LRRC8C: variants seen among roughly 807,000 people sequenced by gnomAD.
The protein encoded by LRRC8C is leucine rich repeat containing 8 VRAC subunit C, also known as volume-regulated anion channel subunit LRRC8C.
Under a neutral mutation model 55.3 loss-of-function variants are expected in LRRC8C, and 20 were observed. The observed-to-expected ratio is 0.36, with a 90% CI of 0.25 to 0.53. The LOEUF (loss-of-function observed/expected upper bound fraction) is 0.53. Ranked by LOEUF, LRRC8C falls within the 20% of genes least tolerant of loss-of-function variation. The pLI is 0.92. For missense variants in LRRC8C, 659 were observed against 951.4 expected, an observed-to-expected ratio of 0.69 and a Z score of 4.04; for synonymous variants, 376 against 360.7, an observed-to-expected ratio of 1.04 and a Z score of -0.48.
In LRRC8C at chr1:89,712,681, A is replaced by G. The variant is rs572291062; in HGVS notation, c.139-28A>G. Reference sequence around the variant, plus strand: ...TTATGAAAGCTCTTTGAGTAATATAATTTGAAAATATTATTTCCATGTTTC... The same window carrying G: ...TTATGAAAGCTCTTTGAGTAATATAGTTTGAAAATATTATTTCCATGTTTC... On this transcript the variant is annotated intron_variant, in intron 2 of 2. Transcript: ENST00000370454. The G allele has an allele frequency of 2.5e-5, 38 of 1,532,166 alleles. No homozygotes were observed. The South Asian group carries it at 4.1e-4, about 16-fold the overall frequency. The allele number at this position is 1,532,166 out of a possible 1,614,324, so 94.9% of individuals were successfully genotyped here.
At chr1:89,660,945 C>T (rs1463366412) in intron 1 of LRRC8C, among the ~76,000 whole-genome samples, 1 of 152,236 alleles carries the variant, frequency 6.6e-6, no homozygotes, top group Admixed American at 6.5e-5. Context: ...GTATTTGGCA[C>T]TGAAGTCTAT....
chr1:89,680,784 C>G (rs1284231482), intron 1 of LRRC8C, among the ~76,000 whole-genome samples: 1 of 151,116 alleles, frequency 6.6e-6, no homozygotes, highest in Non-Finnish European at 1.5e-5. Flanking sequence ...TGGTCTTAAA[C>G]CTCTGATCTC....
intron 1 of LRRC8C, among the ~76,000 whole-genome samples, chr1:89,665,269 T>C (rs1272839896): frequency 6.6e-6 from 1 of 152,240 alleles, no homozygotes; most frequent in Non-Finnish European, 1.5e-5. Context: ...TGTGGGTTTG[T>C]CATAAATAGC....
chr1:89,648,390 C>T (rs184165796), intron 1 of LRRC8C, among the ~76,000 whole-genome samples: 2 of 152,236 alleles, frequency 1.3e-5, no homozygotes, highest in African/African-American at 4.8e-5. Flanking sequence ...AGAACAGACA[C>T]TAGTTATAAT....
rs768159927 is a variant in LRRC8C, at chr1:89,714,699, A to G, written c.2129A>G (p.Tyr710Cys). 7.4e-6 allele frequency: 12 copies of G among 1,614,066 alleles called. No individual in the cohort carries two copies. Among genetic ancestry groups the G allele is most frequent in the Middle Eastern group, 1.6e-4 (1 of 6,084 alleles). Residue 710 changes from tyrosine (Y) to cysteine (C), a missense_variant, in exon 3 of 3, where the codon TAT (tyrosine) becomes TGT (cysteine). Coordinates refer to ENST00000370454, the MANE Select transcript of LRRC8C (RefSeq NM_032270.5). The surrounding 1 kb of genome is among the most constrained non-coding windows in gnomAD (Gnocchi z 4.6). ...PEIGVLQSLQ[Y>C]FSITCNKVES... is the part of the protein sequence containing the mutation. ...ATTGGAGTTCTACAAAGTTTACAGT[A>G]TTTTTCCATCACATGTAACAAAGTG...
intron 1 of LRRC8C, among the ~76,000 whole-genome samples, chr1:89,641,695 T>C (rs1656460951): frequency 6.6e-6 from 1 of 152,204 alleles, no homozygotes; most frequent in Non-Finnish European, 1.5e-5. Context: ...TTTCTTTATT[T>C]ACACTTTGCA....
intron 1 of LRRC8C, among the ~76,000 whole-genome samples, chr1:89,665,686 T>A (rs2101224309): frequency 6.6e-6 from 1 of 152,300 alleles, no homozygotes; most frequent in African/African-American, 2.4e-5. Context: ...CAGCTTATTG[T>A]TGAAGAAAGA....
chr1:89,623,670 C>G, the LRRC8C span, among the ~76,000 whole-genome samples: 3 of 151,898 alleles, frequency 2.0e-5, no homozygotes, highest in African/African-American at 4.8e-5. Context: ...TACAGTGAGC[C>G]GAGATCGTGC....
At chr1:89,627,129 A>C in the LRRC8C span, among the ~76,000 whole-genome samples, 1 of 152,066 alleles carries the variant, frequency 6.6e-6, no homozygotes, top group South Asian at 2.1e-4. Flanking sequence ...AATAAAAGAC[A>C]CTTTTTTCAC....
the LRRC8C span, among the ~76,000 whole-genome samples, chr1:89,617,731 C>T: frequency 6.6e-6 from 1 of 152,170 alleles, no homozygotes; most frequent in Non-Finnish European, 1.5e-5. Context: ...GTCCCAAGGC[C>T]ACTCACACTT....
chr1:89,693,796 A>G (rs938651649), intron 2 of LRRC8C, among the ~76,000 whole-genome samples: 13 of 151,532 alleles, frequency 8.6e-5, no homozygotes, highest in Non-Finnish European at 1.8e-4. Flanking sequence ...AGCTGGGTTT[A>G]CAAGCATGCA....
Position 89,699,088 on chromosome 1 carries a change from G to C in LRRC8C, c.138+12477G>C, listed in dbSNP as rs576201527. Among the ~76,000 whole-genome samples the C allele has an allele frequency of 1.5e-3, 222 of 152,268 alleles. 1 individual carries two copies. Among genetic ancestry groups the C allele is most frequent in the African/African-American group, 4.9e-3 (202 of 41,562 alleles). ...AACGGTCAAGCTATGAAAAGACATG[G>C]AGGAACATTAAATGTACATTGCTAA... On this transcript the variant is annotated intron_variant, in intron 2 of 2. Coordinates refer to ENST00000370454, the MANE Select transcript of LRRC8C (RefSeq NM_032270.5).
intron 1 of LRRC8C, among the ~76,000 whole-genome samples, chr1:89,641,809 A>C (rs573206110): frequency 2.0e-5 from 3 of 152,260 alleles, no homozygotes; most frequent in East Asian, 3.9e-4. Context: ...AAACTAACAT[A>C]GTTTCAGTGT....
In LRRC8C at chr1:89,717,112, T is replaced by A. The variant is rs900842161; in HGVS notation, c.*2130T>A. 1 of 152,182 alleles carries A rather than the reference T, an allele frequency of 6.6e-6. No homozygotes were observed. Among genetic ancestry groups the A allele is most frequent in the Admixed American group, 6.5e-5 (1 of 15,278 alleles). 9.4% of individuals were successfully genotyped at this position (152,182 alleles called of 1,614,324 possible). ...CAGAATAGTGTTGGAATCCTGAGTT[T>A]GAATAATGTGTTGTATTTAGAAACA... On this transcript the variant is annotated 3_prime_UTR_variant, in exon 3 of 3. Coordinates refer to ENST00000370454, the MANE Select transcript of LRRC8C (RefSeq NM_032270.5).
intron 1 of LRRC8C, among the ~76,000 whole-genome samples, chr1:89,666,866 G>GA (rs1222901556): frequency 6.6e-6 from 1 of 152,076 alleles, no homozygotes; most frequent in Non-Finnish European, 1.5e-5. Context: ...ATTTCTTAGG[G>GA]AGCTTACCTT....
chr1:89,670,231 G>A (rs897251390), intron 1 of LRRC8C, among the ~76,000 whole-genome samples: 8 of 152,072 alleles, frequency 5.3e-5, no homozygotes, highest in African/African-American at 1.2e-4. Flanking sequence ...TGCTTTTTGC[G>A]TGTTGCCATA....
intron 2 of LRRC8C, among the ~76,000 whole-genome samples, chr1:89,695,605 A>AT (rs1658153394): frequency 6.6e-6 from 1 of 152,234 alleles, no homozygotes; most frequent in Admixed American, 6.5e-5. Context: ...TTAATTTTAT[A>AT]TTTTTAGAAT....
At chr1:89,621,231 C>A in the LRRC8C span, among the ~76,000 whole-genome samples, 2 of 149,030 alleles carry the variant, frequency 1.3e-5, no homozygotes, top group Middle Eastern at 3.6e-3. Context: ...GAGGCCAAGG[C>A]GGGCAGATCA....
rs748002414 is a variant in LRRC8C, at chr1:89,714,777, T to C, written c.2207T>C (p.Ile736Thr). ...YFCKKLKTLK[I>T]GKNSLSVLSP... The stretch of plus-strand genomic sequence containing the variant: ...TGCAAGAAACTTAAAACTCTGAAGA[T>C]TGGAAAAAACAGCCTATCTGTACTT... Residue 736 changes from isoleucine (I) to threonine (T), a missense_variant, in exon 3 of 3, where the codon ATT becomes ACT. Coordinates refer to ENST00000370454, the MANE Select transcript of LRRC8C (RefSeq NM_032270.5). The surrounding 1 kb of genome is among the most constrained non-coding windows in gnomAD (Gnocchi z 4.6). The C allele has an allele frequency of 5.3e-5, 85 of 1,613,540 alleles. No homozygotes were observed. The highest frequency in any genetic ancestry group is 6.5e-5 in the Non-Finnish European group (77 of 1,179,880).
Sources: allele counts gnomAD v4.1 joint callset (sites outside exome capture counted in the v4.1 genomes callset), GRCh38; gene constraint gnomAD v4.1.1; non-coding constraint Gnocchi (gnomAD v3.1); transcripts MANE v1.5; gene names NCBI Gene and HGNC (gene_info 2026-07-23, HGNC 2026-07-21).